PLXNA4: variants seen among roughly 807,000 people sequenced by gnomAD.
PLXNA4 encodes plexin A4.
PLXNA4 carries 44 observed loss-of-function variants against 191.8 expected under a neutral mutation model. The observed-to-expected ratio is 0.23, with a 90% CI of 0.18 to 0.29. The LOEUF is 0.29. PLXNA4 is among the 10% of genes least tolerant of loss of function. The pLI is 1.00. For missense variants in PLXNA4, 1,800 were observed against 2,488.8 expected, an observed-to-expected ratio of 0.72 and a Z score of 5.89; for synonymous variants, 1,082 against 1,009.5, an observed-to-expected ratio of 1.07 and a Z score of -1.36.
At chr7:132,599,339 T>A (rs1231668067) in intron 2 of PLXNA4, among the ~76,000 whole-genome samples, 4 of 152,188 alleles carry the variant, frequency 2.6e-5, no homozygotes, top group Admixed American at 2.0e-4. Context: ...TTGATATCTT[T>A]AAAATATTAA....
chr7:132,314,833 C>G (rs1801882708), intron 3 of PLXNA4, among the ~76,000 whole-genome samples: 1 of 152,214 alleles, frequency 6.6e-6, no homozygotes. Context: ...GGGCTCTGAT[C>G]ATGCCAGCTT....
At chr7:132,157,620 C>A (rs1004070976) in intron 25 of PLXNA4, among the ~76,000 whole-genome samples, 3 of 152,198 alleles carry the variant, frequency 2.0e-5, no homozygotes, top group African/African-American at 7.2e-5. Flanking sequence ...CATGAAGGAG[C>A]CTGCTCCTAT....
At chr7:132,339,891 G>A (rs1802959217) in intron 3 of PLXNA4, among the ~76,000 whole-genome samples, 1 of 152,090 alleles carries the variant, frequency 6.6e-6, no homozygotes, top group Non-Finnish European at 1.5e-5. Flanking sequence ...TATGTAAAAG[G>A]ACCTAGCACA....
chr7:132,532,957 A>G (rs1253902910), intron 1 of PLXNA4, among the ~76,000 whole-genome samples: 1 of 152,194 alleles, frequency 6.6e-6, no homozygotes, highest in Non-Finnish European at 1.5e-5. Flanking sequence ...TGACAGTAGG[A>G]TCTTCCTTGT....
chr7:132,135,326 G>A (rs1204513668), intron 30 of PLXNA4, among the ~76,000 whole-genome samples: 5 of 152,112 alleles, frequency 3.3e-5, no homozygotes, highest in African/African-American at 1.2e-4. Context: ...TACACAATCA[G>A]AGCCTCTGAC....
intron 11 of PLXNA4, 72 bp from the exon 12 acceptor site, chr7:132,202,908 A>T: frequency 7.1e-7 from 1 of 1,405,326 alleles, no homozygotes; most frequent in Non-Finnish European, 9.4e-7. Context: ...CCAGAGAGAG[A>T]CAAAGAGTGC....
At chr7:132,622,976 A>G (rs559845417) in intron 2 of PLXNA4, among the ~76,000 whole-genome samples, 1 of 152,142 alleles carries the variant, frequency 6.6e-6, no homozygotes, top group Non-Finnish European at 1.5e-5. Context: ...TGTGCAGGCT[A>G]TTGTTCCATA....
chr7:132,150,740 G>A (rs1795572391), intron 25 of PLXNA4, among the ~76,000 whole-genome samples: 1 of 152,222 alleles, frequency 6.6e-6, no homozygotes, highest in African/African-American at 2.4e-5. Context: ...ATAAAGAATT[G>A]TAGCACATCT....
chr7:132,243,387 G>T (rs1012489286), intron 4 of PLXNA4, among the ~76,000 whole-genome samples: 8 of 152,174 alleles, frequency 5.3e-5, no homozygotes, highest in African/African-American at 1.9e-4. Flanking sequence ...CTATTGACAA[G>T]TTCTATAATC....
intron 5 of PLXNA4, among the ~76,000 whole-genome samples, chr7:132,232,916 C>A (rs1189078331): frequency 5.9e-5 from 9 of 152,192 alleles, no homozygotes; most frequent in Non-Finnish European, 1.2e-4. Context: ...AACCGCCAAG[C>A]TTGGAGGGGC....
At chr7:132,334,936 T>C (rs1048916035) in intron 3 of PLXNA4, among the ~76,000 whole-genome samples, 65 of 152,348 alleles carry the variant, frequency 4.3e-4, no homozygotes, top group Middle Eastern at 3.4e-3. Context: ...GTTCTTTCAA[T>C]TACCCAGAAT....
Position 132,560,095 on chromosome 7 carries a change from G to A in PLXNA4, c.-87+16327C>T, listed in dbSNP as rs143053062. Among the ~76,000 whole-genome samples the A allele has an allele frequency of 5.9e-3, 903 of 152,232 alleles. 8 individuals are homozygous for A. Among genetic ancestry groups the A allele is most frequent in the Middle Eastern group, 0.037 (11 of 294 alleles). On this transcript the variant is annotated intron_variant, in intron 1 of 31. Transcript: ENST00000321063. ...ACTTTGTCCTACCTCCCAGAATGTG[G>A]GATTAGACCAACAGGACATTATTCC...
intron 25 of PLXNA4, among the ~76,000 whole-genome samples, chr7:132,150,449 C>G (rs917987043): frequency 6.6e-6 from 1 of 152,132 alleles, no homozygotes; most frequent in Non-Finnish European, 1.5e-5. Flanking sequence ...GAGCCTCCCC[C>G]ACTTGCATGG....
intron 1 of PLXNA4, among the ~76,000 whole-genome samples, chr7:132,536,591 C>A (rs1166694692): frequency 2.0e-5 from 3 of 152,220 alleles, no homozygotes; most frequent in African/African-American, 7.2e-5. Flanking sequence ...ATAGGCTGAT[C>A]TACCAGGGCT....
intron 2 of PLXNA4, among the ~76,000 whole-genome samples, chr7:132,600,915 T>C (rs1195001216): frequency 6.6e-6 from 1 of 152,160 alleles, no homozygotes; most frequent in Non-Finnish European, 1.5e-5. Context: ...TTTACTATTA[T>C]TTTTCTTTTG....
intron 29 of PLXNA4, among the ~76,000 whole-genome samples, chr7:132,144,479 A>T (rs1795361640): frequency 1.3e-5 from 2 of 152,370 alleles, no homozygotes; most frequent in East Asian, 3.9e-4. Context: ...AAAGGAAGAC[A>T]TAGTGGTTAA....
chr7:132,547,886 C>T (rs1007130143), intron 1 of PLXNA4, among the ~76,000 whole-genome samples: 2 of 152,204 alleles, frequency 1.3e-5, no homozygotes, highest in African/African-American at 4.8e-5. Context: ...GCAGAAAGCA[C>T]CTCTCTTTGT....
At chr7:132,517,166 A>G (rs149177141) in intron 1 of PLXNA4, among the ~76,000 whole-genome samples, 81 of 152,314 alleles carry the variant, frequency 5.3e-4, no homozygotes, top group African/African-American at 1.9e-3. Flanking sequence ...CTTTTCACAA[A>G]TAACATGCGC....
chr7:132,129,055 A>T lies in PLXNA4; in HGVS notation c.*1424T>A, dbSNP rs920132174. On this transcript the variant is annotated 3_prime_UTR_variant, in exon 32 of 32. Coordinates refer to ENST00000321063, the MANE Select transcript of PLXNA4 (RefSeq NM_020911.2). The stretch of plus-strand genomic sequence containing the variant: ...CCTGGCTAAAATCGTGCATCTGTAG[A>T]TGTAAGAACAGATGGGGAGATGGAT... The T allele has an allele frequency of 6.6e-6, 1 of 152,218 alleles. No individual in the cohort carries two copies. Among genetic ancestry groups the T allele is most frequent in the African/African-American group, 2.4e-5 (1 of 41,458 alleles). 9.4% of individuals were successfully genotyped at this position (152,218 alleles called of 1,614,324 possible).
Sources: gnomAD v4.1 joint callset for allele counts (sites outside exome capture counted in the v4.1 genomes callset) on GRCh38, gnomAD v4.1.1 for gene constraint, MANE v1.5 for transcripts, NCBI Gene and HGNC (gene_info 2026-07-23, HGNC 2026-07-21) for gene names.